Variants in ATRNL1 observed in about 807,000 individuals in gnomAD.
ATRNL1 encodes attractin-like protein 1.
In ATRNL1, 95 loss-of-function variants were observed where a neutral mutation model predicts 182.7. The ratio of observed to expected loss-of-function variants is 0.52; its 90% CI spans 0.44 to 0.62. ATRNL1 has a LOEUF of 0.62. ATRNL1 is among the 20% of genes least tolerant of loss of function. The pLI is 0.00. For missense variants in ATRNL1, 1,471 were observed against 1,679.5 expected (o/e 0.88, Z 2.17); for synonymous variants, 576 against 568.3 (o/e 1.01, Z -0.19).
intron 26 of ATRNL1, among the ~76,000 whole-genome samples, chr10:115,572,027 A>T (rs1854422628): frequency 6.6e-6 from 1 of 152,146 alleles, no homozygotes; most frequent in African/African-American, 2.4e-5. Flanking sequence ...AAATATAAAG[A>T]GACTACCTAG....
intron 27 of ATRNL1, among the ~76,000 whole-genome samples, chr10:115,834,133 C>A (rs1424771089): frequency 6.6e-6 from 1 of 152,166 alleles, no homozygotes; most frequent in African/African-American, 2.4e-5. Flanking sequence ...TCTATCATAT[C>A]CCTGCATACC....
chr10:115,506,515 G>A (rs1850120256), intron 24 of ATRNL1, among the ~76,000 whole-genome samples: 1 of 151,872 alleles, frequency 6.6e-6, no homozygotes, highest in African/African-American at 2.4e-5. Context: ...CAGCCTAGAA[G>A]CTGGAAAAAA....
At chr10:115,388,943 C>T (rs1286273673) in intron 19 of ATRNL1, among the ~76,000 whole-genome samples, 1 of 152,050 alleles carries the variant, frequency 6.6e-6, no homozygotes, top group African/African-American at 2.4e-5. Flanking sequence ...GTGTTAATAA[C>T]ATTTAAAATC....
intron 24 of ATRNL1, among the ~76,000 whole-genome samples, chr10:115,472,655 T>C (rs782143862): frequency 5.3e-5 from 8 of 151,170 alleles, no homozygotes; most frequent in Non-Finnish European, 8.9e-5. Flanking sequence ...AGTTCATTGT[T>C]AATGTATAGA....
intron 25 of ATRNL1, among the ~76,000 whole-genome samples, chr10:115,524,483 A>G (rs1851110804): frequency 6.6e-6 from 1 of 152,204 alleles, no homozygotes; most frequent in Admixed American, 6.5e-5. Context: ...TATTTTAAAG[A>G]ACTAAATTAA....
chr10:115,837,211 T>C (rs556471644), intron 27 of ATRNL1, among the ~76,000 whole-genome samples: 39 of 152,234 alleles, frequency 2.6e-4, no homozygotes, highest in African/African-American at 8.7e-4. Flanking sequence ...AAAGGAATGC[T>C]ACACAAATAT....
intron 27 of ATRNL1, among the ~76,000 whole-genome samples, chr10:115,730,906 C>A (rs1239006317): frequency 6.6e-6 from 1 of 152,148 alleles, no homozygotes; most frequent in East Asian, 1.9e-4. Context: ...CAGTCCAAGT[C>A]CCAAAACTGA....
chr10:115,140,086 A>G (rs1845695818), intron 5 of ATRNL1, among the ~76,000 whole-genome samples: 1 of 152,228 alleles, frequency 6.6e-6, no homozygotes, highest in Non-Finnish European at 1.5e-5. Flanking sequence ...TGCATGCTAC[A>G]GGAATGGAGA....
intron 9 of ATRNL1, among the ~76,000 whole-genome samples, chr10:115,239,908 C>T (rs896515284): frequency 6.6e-6 from 1 of 152,116 alleles, no homozygotes; most frequent in African/African-American, 2.4e-5. Context: ...GTGCTGGTAT[C>T]CTGCCACTCC....
rs1953830939 is a variant in ATRNL1 at position 115,944,605 on chromosome 10, C to A, written c.4019-53C>A. 10 of 1,505,528 alleles carry A rather than the reference C, an allele frequency of 6.6e-6. No individual in the cohort carries two copies. In the South Asian group the frequency reaches 1.2e-4, roughly 18 times the overall value. 93.3% of individuals were successfully genotyped at this position (1,505,528 alleles called of 1,614,324 possible). Reference sequence around the variant, plus strand: ...GCAGGGCCCTTCACCACCACTGTTGCCATCCCAGAAATGTCTAAGCAAGCA... The same window carrying A: ...GCAGGGCCCTTCACCACCACTGTTGACATCCCAGAAATGTCTAAGCAAGCA... On this transcript the variant is annotated intron_variant, in intron 28 of 28. Transcript: ENST00000355044.
intron 28 of ATRNL1, among the ~76,000 whole-genome samples, chr10:115,913,731 A>G (rs188141465): frequency 9.2e-5 from 14 of 152,308 alleles, no homozygotes; most frequent in Middle Eastern, 3.4e-3. Flanking sequence ...GGACAATGTC[A>G]GCCTGTGCAG....
At chr10:115,194,328 C>T (rs1355481626) in intron 8 of ATRNL1, among the ~76,000 whole-genome samples, 2 of 151,948 alleles carry the variant, frequency 1.3e-5, no homozygotes, top group Admixed American at 1.3e-4. Context: ...TTGGGGTCTT[C>T]TCTCTTTTTA....
intron 24 of ATRNL1, among the ~76,000 whole-genome samples, chr10:115,512,274 T>G (rs1850421877): frequency 6.6e-6 from 1 of 151,920 alleles, no homozygotes; most frequent in Non-Finnish European, 1.5e-5. Flanking sequence ...TTGCCGTTAT[T>G]GTCTCACTGT....
intron 7 of ATRNL1, among the ~76,000 whole-genome samples, chr10:115,166,579 T>C (rs1847054153): frequency 6.6e-6 from 1 of 152,098 alleles, no homozygotes; most frequent in Non-Finnish European, 1.5e-5. Flanking sequence ...TGTTATTTTC[T>C]GTTTTTGTTT....
At chr10:115,527,928 CTCCT>C (rs1851319894) in intron 25 of ATRNL1, among the ~76,000 whole-genome samples, 2 of 107,006 alleles carry the variant, frequency 1.9e-5, no homozygotes, top group Non-Finnish European at 4.1e-5. Flanking sequence ...CCCTTCCTCC[CTCCT>C]TCCTTCTCCT....
chr10:115,266,505 C>G (rs1851615084), intron 11 of ATRNL1, among the ~76,000 whole-genome samples: 1 of 151,138 alleles, frequency 6.6e-6, no homozygotes, highest in Non-Finnish European at 1.5e-5. Flanking sequence ...CTTTTCCTTT[C>G]TTGTATTAAC....
chr10:115,851,354 A>G (rs1445725870), intron 28 of ATRNL1, among the ~76,000 whole-genome samples: 2 of 87,702 alleles, frequency 2.3e-5, no homozygotes, highest in Non-Finnish European at 4.5e-5. Flanking sequence ...AGGAGCAGCT[A>G]GTGATTTTTT....
At chr10:115,728,390 G>A (rs984455985) in intron 27 of ATRNL1, among the ~76,000 whole-genome samples, 100 of 146,440 alleles carry the variant, frequency 6.8e-4, no homozygotes, top group African/African-American at 2.4e-3. Flanking sequence ...TAATTTAATT[G>A]TATGTTTATT....
intron 10 of ATRNL1, among the ~76,000 whole-genome samples, chr10:115,243,107 A>G (rs1850490721): frequency 6.6e-6 from 1 of 152,082 alleles, no homozygotes; most frequent in East Asian, 1.9e-4. Context: ...TCCCACAAAA[A>G]GTATACATTG....
Sources: gnomAD v4.1 joint callset for allele counts (sites outside exome capture counted in the v4.1 genomes callset) on GRCh38, gnomAD v4.1.1 for gene constraint, MANE v1.5 for transcripts, NCBI Gene and HGNC (gene_info 2026-07-23, HGNC 2026-07-21) for gene names.